BAIAP2: variants seen among roughly 807,000 people sequenced by gnomAD.
The protein encoded by BAIAP2 is BAR/IMD domain containing adaptor protein 2.
In BAIAP2, 18 loss-of-function variants were observed where a neutral mutation model predicts 63.0. That is an observed-to-expected ratio of 0.29 (90% CI 0.20 to 0.42). BAIAP2 has a LOEUF of 0.42. Among genes scored for constraint, BAIAP2 ranks in the 10% least tolerant of loss-of-function variants. The pLI is 1.00. For synonymous variants in BAIAP2, 386 were observed against 307.6 expected, an observed-to-expected ratio of 1.25 and a Z score of -2.67; for missense variants, 610 against 734.3, an observed-to-expected ratio of 0.83 and a Z score of 1.96.
intron 1 of BAIAP2, among the ~76,000 whole-genome samples, chr17:81,039,724 G>A (rs1456597464): frequency 6.6e-6 from 1 of 152,062 alleles, no homozygotes; most frequent in African/African-American, 2.4e-5. Context: ...CCTTGTCTTC[G>A]ACTGAAGCTT....
intron 12 of BAIAP2, chr17:81,107,982 C>T (rs982387729): frequency 3.0e-5 from 5 of 169,132 alleles, no homozygotes; most frequent in South Asian, 1.5e-4. Flanking sequence ...CACACCTGGG[C>T]GCTCCTCCCA....
Position 81,106,134 on chromosome 17 carries a change from G to A in BAIAP2, c.1325G>A (p.Arg442Lys). The A allele has an allele frequency of 2.5e-6, 4 of 1,582,446 alleles. No homozygotes were observed. Among genetic ancestry groups the A allele is most frequent in the Non-Finnish European group, 2.6e-6 (3 of 1,164,030 alleles). ...GTCTTGGACAGCGATGGCAGTGACA[G>A]GCTGCACATGAGGTGAGCTCTGGGC... ...TRVLDSDGSD[R>K]LHMSLQQGKS... Residue 442 changes from arginine to lysine, a missense_variant, in exon 11 of 14, where the codon AGG (arginine) becomes AAG (lysine). By Grantham distance (26) the Arg-to-Lys change is conservative. This residue lies in a region of BAIAP2 where 29 missense variants were observed against 23.2 expected (regional missense o/e 1.25). Transcript: ENST00000428708.
At chr17:81,062,864 C>T (rs1448021973) in intron 3 of BAIAP2, among the ~76,000 whole-genome samples, 1 of 152,036 alleles carries the variant, frequency 6.6e-6, no homozygotes, top group African/African-American at 2.4e-5. Flanking sequence ...GCTCCCACCG[C>T]TGCTGTGTTC....
chr17:81,081,837 GC>G (rs900525372), intron 3 of BAIAP2, among the ~76,000 whole-genome samples: 33 of 152,276 alleles, frequency 2.2e-4, no homozygotes, highest in African/African-American at 7.7e-4. Context: ...GCCCCAGGGG[GC>G]CATCGCTGGG....
intron 3 of BAIAP2, among the ~76,000 whole-genome samples, chr17:81,075,293 A>G (rs2053470437): frequency 6.6e-6 from 1 of 151,538 alleles, no homozygotes. Context: ...GACCATCCTC[A>G]CCTCCCTCCC....
At chr17:81,049,820 A>C (rs2048383159) in intron 1 of BAIAP2, among the ~76,000 whole-genome samples, 1 of 152,180 alleles carries the variant, frequency 6.6e-6, no homozygotes, top group Non-Finnish European at 1.5e-5. Context: ...CCTTGGCCTG[A>C]TTAGGGGAGC....
At chr17:81,065,279 G>T (rs745435928) in intron 3 of BAIAP2, among the ~76,000 whole-genome samples, 2 of 152,222 alleles carry the variant, frequency 1.3e-5, no homozygotes, top group Non-Finnish European at 2.9e-5. Flanking sequence ...GCCCAGCCTG[G>T]TCACAGAAGC....
chr17:81,090,786 G>A (rs2056588763), intron 6 of BAIAP2, among the ~76,000 whole-genome samples: 2 of 113,896 alleles, frequency 1.8e-5, no homozygotes, highest in South Asian at 6.0e-4. Flanking sequence ...GTGCCATGTG[G>A]CTGCCTGGCT....
rs377622012 is a variant in BAIAP2 at position 81,072,968 on chromosome 17, A to G, written c.218-11864A>G. ...AAACATGCACGCTTCCCTGATGAGA[A>G]AATGGCATCTGGCCTGGAGCCCCTT... On this transcript the variant is annotated intron_variant, in intron 3 of 13. Coordinates refer to ENST00000428708, the MANE Select transcript of BAIAP2 (RefSeq NM_001144888.2). Among the ~76,000 whole-genome samples the G allele has an allele frequency of 3.5e-3, 530 of 152,162 alleles. 9 individuals carry two copies. The South Asian group carries it at 0.039, about 11-fold the overall frequency.
Position 81,035,216 on chromosome 17 carries a change from C to A in BAIAP2, c.-39C>A. Reference sequence around the variant, plus strand: ...CCGCCGCTGCTGCCGCCGCTTGCGTCCCCCGCTCCGGTCTGTGGTGCAGCC... The same window carrying A: ...CCGCCGCTGCTGCCGCCGCTTGCGTACCCCGCTCCGGTCTGTGGTGCAGCC... On this transcript the variant is annotated 5_prime_UTR_variant, in exon 1 of 14. Coordinates refer to ENST00000428708, the MANE Select transcript of BAIAP2 (RefSeq NM_001144888.2). 3.4e-6 allele frequency: 5 copies of A among 1,461,176 alleles called. No individual in the cohort carries two copies. Among genetic ancestry groups the A allele is most frequent in the Non-Finnish European group, 3.6e-6 (4 of 1,095,946 alleles). 90.5% of individuals were successfully genotyped at this position (1,461,176 alleles called of 1,614,324 possible).
At position 81,109,282 on chromosome 17, in the gene BAIAP2, T is replaced by G. The variant is rs533657146; in HGVS notation, c.1535+773T>G. The G allele has an allele frequency of 1.6e-3, 1,974 of 1,250,136 alleles. 2 individuals are homozygous for G. The highest frequency in any genetic ancestry group is 1.6e-3 in the Non-Finnish European group (1,615 of 996,934). The allele number at this position is 1,250,136 out of a possible 1,614,324, so 77.4% of individuals were successfully genotyped here. ...ACCTGCTGGGCCGTGCGGGGCACCC[T>G]CGGCCTCACCCTGCAGTGTCTGTGG... On this transcript the variant is annotated intron_variant, in intron 13 of 13. Coordinates refer to ENST00000428708, the MANE Select transcript of BAIAP2 (RefSeq NM_001144888.2).
chr17:81,054,882 C>T lies in BAIAP2; in HGVS notation c.130+1139C>T, dbSNP rs74002024. On this transcript the variant is annotated intron_variant, in intron 2 of 13. Coordinates refer to ENST00000428708, the MANE Select transcript of BAIAP2 (RefSeq NM_001144888.2). ...ATGCCCTTCTCACCTGCCCTGTTGG[C>T]CCCGCAGGTGCCCTTGGCTGAGTCC... 4.1e-3 allele frequency among the ~76,000 whole-genome samples: 630 copies of T among 152,282 alleles called. 6 individuals carry two copies. Among genetic ancestry groups the T allele is most frequent in the African/African-American group, 0.014 (592 of 41,556 alleles).
At position 81,115,888 on chromosome 17, in the gene BAIAP2, C is replaced by T. The variant is rs1373894885; in HGVS notation, c.*49C>T. On this transcript the variant is annotated 3_prime_UTR_variant, in exon 14 of 14. Transcript: ENST00000428708. ...ATCTGGTGGCTTCCCCCGCCCTTCC[C>T]ATGTAGCCTGTTCTGTCATCATCTG... is the stretch of plus-strand genomic sequence containing the variant. 1.2e-6 allele frequency: 2 copies of T among 1,608,992 alleles called. No individual in the cohort carries two copies. The highest frequency in any genetic ancestry group is 1.3e-5 in the African/African-American group (1 of 75,048).
chr17:81,057,769 T>C, intron 2 of BAIAP2, 112 bp from the exon 3 acceptor site: 1 of 1,431,932 alleles, frequency 7.0e-7, no homozygotes, highest in Non-Finnish European at 9.2e-7. Context: ...TCCCAGCTTG[T>C]CTGGGCAGGA....
At chr17:81,103,384 C>T (rs778303736) in intron 7 of BAIAP2, 118 bp from the exon 8 acceptor site, 49 of 976,886 alleles carry the variant, frequency 5.0e-5, no homozygotes, top group Non-Finnish European at 7.2e-5. Context: ...AGAGGTACCA[C>T]CTGGTGAAGA....
At chr17:81,102,080 G>A (rs1258225691) in intron 7 of BAIAP2, among the ~76,000 whole-genome samples, 4 of 151,130 alleles carry the variant, frequency 2.6e-5, no homozygotes, top group South Asian at 4.5e-4. Context: ...ATGTGCCTGC[G>A]GTGGCAGCAG....
intron 7 of BAIAP2, among the ~76,000 whole-genome samples, chr17:81,102,253 G>A (rs2058593313): frequency 6.6e-6 from 1 of 152,128 alleles, no homozygotes; most frequent in South Asian, 2.1e-4. Flanking sequence ...CCTGCCTCGG[G>A]GCTCTCAGGG....
chr17:81,043,279 G>A (rs1047394483), intron 1 of BAIAP2, among the ~76,000 whole-genome samples: 1 of 152,220 alleles, frequency 6.6e-6, no homozygotes, highest in Admixed American at 6.5e-5. Flanking sequence ...TTCCGTGGCC[G>A]ACTATGTCTG....
At chr17:81,052,249 C>T (rs568738933) in intron 1 of BAIAP2, among the ~76,000 whole-genome samples, 4 of 152,348 alleles carry the variant, frequency 2.6e-5, no homozygotes, top group Middle Eastern at 3.4e-3. Flanking sequence ...TTCCACGTCT[C>T]GCTGAGCACG....
Sources: allele counts gnomAD v4.1 joint callset (sites outside exome capture counted in the v4.1 genomes callset), GRCh38; gene constraint gnomAD v4.1.1; regional missense constraint gnomAD v4.1.1; transcripts MANE v1.5; gene names NCBI Gene and HGNC (gene_info 2026-07-23, HGNC 2026-07-21).